The following CALD1 variants were observed in gnomAD, a reference collection of about 807,000 sequenced individuals.
CALD1 encodes caldesmon 1, also known as caldesmon.
In CALD1, 33 loss-of-function variants were observed where a neutral mutation model predicts 99.9. The ratio of observed to expected loss-of-function variants is 0.33; its 90% CI spans 0.25 to 0.44. CALD1 has a LOEUF of 0.44. CALD1 is among the 20% of genes least tolerant of loss of function. The probability of loss-of-function intolerance (pLI) is 1.00; values close to 1 mark genes in which losing one functional copy is unlikely to be tolerated. For synonymous variants in CALD1, 310 were observed against 325.0 expected (o/e 0.95, Z 0.50); for missense variants, 861 against 962.1 (o/e 0.89, Z 1.39).
intron 3 of CALD1, among the ~76,000 whole-genome samples, chr7:134,868,451 C>T (rs1800906141): frequency 3.3e-5 from 5 of 152,064 alleles, no homozygotes; most frequent in Admixed American, 3.3e-4. Flanking sequence ...CATTTTAGGC[C>T]TCAGAACAAA....
At position 134,970,068 on chromosome 7, in the gene CALD1, T is replaced by C. The variant is rs746396871; in HGVS notation, c.*1723T>C. The C allele has an allele frequency of 6.6e-6, 1 of 152,252 alleles. No homozygotes were observed. The highest frequency in any genetic ancestry group is 6.5e-5 in the Admixed American group (1 of 15,286). The allele number at this position is 152,252 out of a possible 1,614,324, so 9.4% of individuals were successfully genotyped here. A position where few individuals can be genotyped will look rare whatever the true frequency, so the allele number is the denominator to read the frequency against. On this transcript the variant is annotated 3_prime_UTR_variant, in exon 15 of 15. Transcript: ENST00000361675. ...TCCTCATAAGTCTGTAAAGAGCAAT[T>C]GAATCTTCTAGCTTTAGCAAACCTA...
intron 3 of CALD1, among the ~76,000 whole-genome samples, chr7:134,874,190 T>G (rs752902660): frequency 1.2e-4 from 19 of 152,130 alleles, no homozygotes; most frequent in Non-Finnish European, 2.6e-4. Context: ...TCTTTTTTTT[T>G]GTTTTCATTT....
chr7:134,733,234 G>A, the CALD1 span, among the ~76,000 whole-genome samples: 1 of 152,214 alleles, frequency 6.6e-6, no homozygotes, highest in Admixed American at 6.5e-5. Context: ...ATGGAACCCA[G>A]TGCTCAAGAG....
chr7:134,802,110 GTATA>G (rs60652336), intron 1 of CALD1, among the ~76,000 whole-genome samples: 7 of 150,682 alleles, frequency 4.6e-5, no homozygotes, highest in African/African-American at 7.3e-5. Context: ...TATGTGTGTA[GTATA>G]TATATATATA....
chr7:134,780,137 C>A (rs1389518599), intron 1 of CALD1, among the ~76,000 whole-genome samples: 1 of 152,174 alleles, frequency 6.6e-6, no homozygotes, highest in African/African-American at 2.4e-5. Flanking sequence ...TCTTTTATTG[C>A]CAAAGATTTG....
In CALD1 at chr7:134,857,158, C is replaced by CTTTT. The variant is rs59210460; in HGVS notation, c.-41-10511_-41-10508dup. ...AAAGATCCTATGGTTTTGCGCTATT[C>CTTTT]TTTTTTTTTTTTTTTTTTTTTTTTT... On this transcript the variant is annotated intron_variant, in intron 2 of 14. Transcript: ENST00000361675. Among the ~76,000 whole-genome samples the CTTTT allele has an allele frequency of 3.0e-3, 226 of 75,348 alleles. 21 individuals carry two copies. The highest frequency in any genetic ancestry group is 4.5e-3 in the African/African-American group (93 of 20,628). The allele number at this position is 75,348 out of a possible 152,430, so 49.4% of individuals were successfully genotyped here.
Position 134,960,055 on chromosome 7 carries a change from A to G in CALD1, c.2143A>G (p.Met715Val). The part of the protein sequence containing the change: ...PAEGVRNIKS[M>V]WEKGNVFSSP... ...TGAAGGTGTACGCAACATCAAGAGT[A>G]TGTGGGAGAAAGGGAATGTGTTTTC... The change falls in exon 12 of 15, where the codon ATG becomes GTG. Residue 715 changes from methionine (M) to valine (V), a missense_variant. Transcript: ENST00000361675. 6.2e-7 allele frequency: 1 copy of G among 1,614,176 alleles called. No homozygotes were observed. The highest frequency in any genetic ancestry group is 8.5e-7 in the Non-Finnish European group (1 of 1,179,988).
At chr7:134,917,507 C>T (rs560781594) in intron 3 of CALD1, among the ~76,000 whole-genome samples, 64 of 152,230 alleles carry the variant, frequency 4.2e-4, no homozygotes, top group Middle Eastern at 3.4e-3. Context: ...CACCACCACG[C>T]CCAGCTAACT....
chr7:134,941,442 G>A lies in CALD1; in HGVS notation c.1532+205G>A, dbSNP rs542620322. Among the ~76,000 whole-genome samples the A allele has an allele frequency of 1.8e-3, 269 of 152,306 alleles. 1 individual carries two copies. Among genetic ancestry groups the A allele is most frequent in the Non-Finnish European group, 2.7e-3 (186 of 68,036 alleles). On this transcript the variant is annotated intron_variant, in intron 7 of 14. Transcript: ENST00000361675. ...CACTAACAGAAGACCAGCAGTCATC[G>A]CTCAGACAGGGCTTAGTCTGCTTTT... is the stretch of plus-strand genomic sequence containing the variant.
At chr7:134,802,114 A>G (rs1036819731) in intron 1 of CALD1, among the ~76,000 whole-genome samples, 2 of 151,668 alleles carry the variant, frequency 1.3e-5, no homozygotes, top group Non-Finnish European at 2.9e-5. Flanking sequence ...TGTGTAGTAT[A>G]TATATATATA....
intron 3 of CALD1, among the ~76,000 whole-genome samples, chr7:134,877,880 T>C (rs992996636): frequency 6.6e-6 from 1 of 152,164 alleles, no homozygotes; most frequent in Non-Finnish European, 1.5e-5. Context: ...TACAAAATGA[T>C]TTTGAAAAAA....
chr7:134,781,726 T>C (rs1797112059), intron 1 of CALD1, among the ~76,000 whole-genome samples: 1 of 152,226 alleles, frequency 6.6e-6, no homozygotes, highest in Non-Finnish European at 1.5e-5. Flanking sequence ...ATAAGTAAAG[T>C]GCAGGGTTGT....
At chr7:134,847,643 C>A (rs1315554537) in intron 2 of CALD1, among the ~76,000 whole-genome samples, 1 of 152,228 alleles carries the variant, frequency 6.6e-6, no homozygotes, top group African/African-American at 2.4e-5. Flanking sequence ...CCACCACGTG[C>A]AGCTTTAGTA....
At chr7:134,868,034 C>A in intron 3 of CALD1, 1 of 320,278 alleles carries the variant, frequency 3.1e-6, no homozygotes. Context: ...TTGATAACTG[C>A]ATATTGATAA....
intron 1 of CALD1, among the ~76,000 whole-genome samples, chr7:134,823,251 A>G (rs968024456): frequency 6.6e-6 from 1 of 152,200 alleles, no homozygotes; most frequent in African/African-American, 2.4e-5. Context: ...CGATATTTAC[A>G]TGGTTCATTT....
chr7:134,921,791 T>C (rs780657421), intron 3 of CALD1, among the ~76,000 whole-genome samples: 1 of 151,980 alleles, frequency 6.6e-6, no homozygotes, highest in South Asian at 2.1e-4. Flanking sequence ...AGTGAGATTC[T>C]GTCTCAAAAA....
intron 3 of CALD1, among the ~76,000 whole-genome samples, chr7:134,911,072 T>G (rs1011978045): frequency 2.6e-5 from 4 of 152,204 alleles, no homozygotes; most frequent in African/African-American, 9.7e-5. Flanking sequence ...TCTCCTGTAT[T>G]TTTTTCTAAA....
At chr7:134,835,595 A>C (rs1004081534) in intron 1 of CALD1, among the ~76,000 whole-genome samples, 3 of 152,212 alleles carry the variant, frequency 2.0e-5, no homozygotes, top group African/African-American at 7.2e-5. Context: ...TTACATCAAT[A>C]AAGTGTGCCT....
intron 1 of CALD1, among the ~76,000 whole-genome samples, chr7:134,813,581 T>C (rs1470343835): frequency 6.6e-6 from 1 of 152,166 alleles, no homozygotes; most frequent in Non-Finnish European, 1.5e-5. Flanking sequence ...AATATGATGG[T>C]AGAAGCCTGT....
Sources: allele counts gnomAD v4.1 joint callset (sites outside exome capture counted in the v4.1 genomes callset), GRCh38; gene constraint gnomAD v4.1.1; transcripts MANE v1.5; gene names NCBI Gene and HGNC (gene_info 2026-07-23, HGNC 2026-07-21).